RORA: variants seen among roughly 807,000 people sequenced by gnomAD.
RORA encodes the protein RAR related orphan receptor A.
Under a neutral mutation model 69.5 loss-of-function variants are expected in RORA, and 7 were observed. The observed-to-expected ratio is 0.10, with a 90% CI of 0.06 to 0.19. The LOEUF (loss-of-function observed/expected upper bound fraction) is 0.19. Among genes scored for constraint, RORA ranks in the 10% least tolerant of loss-of-function variants. The pLI is 1.00. For synonymous variants in RORA, 261 were observed against 240.8 expected (o/e 1.08, Z -0.78); for missense variants, 457 against 663.0 (o/e 0.69, Z 3.41).
intron 1 of RORA, among the ~76,000 whole-genome samples, chr15:61,166,141 T>C (rs2079538204): frequency 6.6e-6 from 1 of 152,152 alleles, no homozygotes; most frequent in African/African-American, 2.4e-5. Flanking sequence ...ACGTAAAGAC[T>C]GATGCCATCT....
chr15:60,763,255 C>G (rs1567182111), intron 1 of RORA, among the ~76,000 whole-genome samples: 1 of 151,752 alleles, frequency 6.6e-6, no homozygotes, highest in South Asian at 2.1e-4. Context: ...GGGGCAGAAC[C>G]TATTCCCAAG....
intron 1 of RORA, among the ~76,000 whole-genome samples, chr15:61,088,467 C>T (rs969481574): frequency 6.6e-6 from 1 of 152,036 alleles, no homozygotes; most frequent in Non-Finnish European, 1.5e-5. Context: ...AAGCAAAAAG[C>T]GGTGGGGGAT....
At chr15:60,677,287 T>C (rs2140746332) in intron 2 of RORA, 1 of 439,908 alleles carries the variant, frequency 2.3e-6, no homozygotes, top group African/African-American at 2.0e-5. Context: ...TCAGTCATCA[T>C]GAGCTCAATT....
chr15:60,530,172 A>G (rs1346698012), intron 3 of RORA: 3 of 152,338 alleles, frequency 2.0e-5, no homozygotes, highest in Non-Finnish European at 4.4e-5. Context: ...CTACCTGGCC[A>G]CGTCAGCCAA....
intron 1 of RORA, among the ~76,000 whole-genome samples, chr15:60,876,234 G>A (rs2073612340): frequency 6.7e-6 from 1 of 149,520 alleles, no homozygotes; most frequent in African/African-American, 2.5e-5. Flanking sequence ...CCTGAGGTTG[G>A]TCTCCCCCAA....
At chr15:60,503,234 C>G (rs1302991927) in intron 7 of RORA, among the ~76,000 whole-genome samples, 1 of 152,168 alleles carries the variant, frequency 6.6e-6, no homozygotes, top group African/African-American at 2.4e-5. Context: ...CTTTCTTCTT[C>G]CTAACATCAT....
intron 1 of RORA, among the ~76,000 whole-genome samples, chr15:61,202,705 C>T (rs1387530473): frequency 6.6e-6 from 1 of 152,100 alleles, no homozygotes. Context: ...ACTAGAAAAA[C>T]TCTACCCCTT....
intron 2 of RORA, chr15:60,544,830 C>T (rs2140368004): frequency 6.6e-6 from 1 of 152,324 alleles, no homozygotes; most frequent in East Asian, 1.9e-4. Flanking sequence ...ATCAGCAAAG[C>T]ATTTTAGAAC....
intron 1 of RORA, among the ~76,000 whole-genome samples, chr15:60,882,596 G>T (rs1226497976): frequency 6.6e-6 from 1 of 151,334 alleles, no homozygotes. Context: ...TCTACAGCAT[G>T]TTTATTCTAA....
chr15:60,795,001 C>A (rs959496232), intron 1 of RORA, among the ~76,000 whole-genome samples: 3 of 152,172 alleles, frequency 2.0e-5, no homozygotes, highest in African/African-American at 4.8e-5. Context: ...AAATGCGACA[C>A]CCCTTCCCAC....
intron 2 of RORA, among the ~76,000 whole-genome samples, chr15:60,645,048 GC>G (rs1441827141): frequency 6.6e-6 from 1 of 152,170 alleles, no homozygotes; most frequent in Non-Finnish European, 1.5e-5. Flanking sequence ...TATGCCATGT[GC>G]TGATATATAA....
At chr15:61,065,623 T>C (rs2078246969) in intron 1 of RORA, among the ~76,000 whole-genome samples, 1 of 152,298 alleles carries the variant, frequency 6.6e-6, no homozygotes, top group African/African-American at 2.4e-5. Flanking sequence ...GGTCAGAGAA[T>C]ATGGGGCAGA....
intron 1 of RORA, chr15:61,214,282 T>C (rs1024257336): frequency 1.3e-5 from 2 of 152,252 alleles, no homozygotes; most frequent in African/African-American, 4.8e-5. Flanking sequence ...ATATTGATGC[T>C]TTTTCATTGA....
At chr15:61,029,120 A>G (rs1895998084) in intron 1 of RORA, among the ~76,000 whole-genome samples, 1 of 152,046 alleles carries the variant, frequency 6.6e-6, no homozygotes, top group Non-Finnish European at 1.5e-5. Flanking sequence ...TACACTCTAG[A>G]TGGGTGAATT....
chr15:60,497,455 T>G lies in RORA; in HGVS notation c.1572A>C (p.Ter524TyrextTer8). ...TCTAGAAGTGCTTAGGTGATAACAT[T>G]TACCCATCAATTTGCATTGCTGGCT... ...EFEPAMQIDG[*>Y] The change falls in exon 11 of 11, where the codon TAA becomes TAC. Residue 524 changes from the stop codon to tyrosine (Y), a stop_lost. Coordinates refer to ENST00000335670, the MANE Select transcript of RORA (RefSeq NM_134261.3). 6.2e-7 allele frequency: 1 copy of G among 1,613,740 alleles called. No homozygotes were observed. The highest frequency in any genetic ancestry group is 8.5e-7 in the Non-Finnish European group (1 of 1,179,652).
At chr15:60,760,781 A>C (rs2071873651) in intron 1 of RORA, among the ~76,000 whole-genome samples, 1 of 152,054 alleles carries the variant, frequency 6.6e-6, no homozygotes. Context: ...GATCCAGTGG[A>C]GCTTTGGTAT....
At chr15:60,860,405 C>T (rs192732197) in intron 1 of RORA, among the ~76,000 whole-genome samples, 2 of 152,332 alleles carry the variant, frequency 1.3e-5, no homozygotes, top group East Asian at 3.9e-4. Flanking sequence ...TGCCAAACCT[C>T]AAGCTTGCAG....
intron 4 of RORA, among the ~76,000 whole-genome samples, chr15:60,513,277 A>G (rs979215658): frequency 4.6e-5 from 7 of 152,256 alleles, no homozygotes; most frequent in Non-Finnish European, 7.3e-5. Flanking sequence ...CTTAACCTCC[A>G]GAATTCTTTC....
chr15:61,217,153 G>A (rs960001145), intron 1 of RORA, among the ~76,000 whole-genome samples: 6 of 152,180 alleles, frequency 3.9e-5, no homozygotes, highest in African/African-American at 1.4e-4. Flanking sequence ...AGGACAATGT[G>A]GAAGAGAGTA....
Sources: allele counts gnomAD v4.1 joint callset (sites outside exome capture counted in the v4.1 genomes callset), GRCh38; gene constraint gnomAD v4.1.1; transcripts MANE v1.5; gene names NCBI Gene and HGNC (gene_info 2026-07-23, HGNC 2026-07-21).